The following ABTB3 variants were observed in gnomAD, a reference collection of about 807,000 sequenced individuals.
ABTB3 encodes ankyrin repeat and BTB domain containing 3.
At chr12:107,656,137 A>AAAAAAAAAAAAAAATAC in the ABTB3 span, among the ~76,000 whole-genome samples, 1 of 43,804 alleles carries the variant, frequency 2.3e-5, no homozygotes, top group Admixed American at 2.8e-4. Flanking sequence ...AAAAAAATAC[A>AAAAAAAAAAAAAAATAC]AAAAAAAAAA....
the ABTB3 span, chr12:107,642,272 T>G: frequency 9.6e-7 from 1 of 1,036,430 alleles, no homozygotes; most frequent in East Asian, 2.4e-5. Context: ...GAGAAGTCCT[T>G]GGAATGAGCT....
At chr12:107,520,237 A>C in the ABTB3 span, 1 of 985,358 alleles carries the variant, frequency 1.0e-6, no homozygotes, top group African/African-American at 1.7e-5. Flanking sequence ...TGTTCTTTGG[A>C]AATGTGTATG....
the ABTB3 span, among the ~76,000 whole-genome samples, chr12:107,440,454 C>A: frequency 6.6e-5 from 10 of 152,362 alleles, no homozygotes; most frequent in African/African-American, 2.4e-4. Context: ...CACCTGCCTC[C>A]TCAGAGAAGC....
the ABTB3 span, among the ~76,000 whole-genome samples, chr12:107,579,402 C>G: frequency 6.6e-6 from 1 of 152,172 alleles, no homozygotes; most frequent in Admixed American, 6.5e-5. Flanking sequence ...CCAGCTCTTG[C>G]TAGTCTTGTG....
chr12:107,560,007 T>C, the ABTB3 span, among the ~76,000 whole-genome samples: 1 of 152,214 alleles, frequency 6.6e-6, no homozygotes, highest in Non-Finnish European at 1.5e-5. Context: ...TTTTTTAATA[T>C]AAATAGGGAA....
the ABTB3 span, chr12:107,520,370 T>C: frequency 1.4e-6 from 2 of 1,475,138 alleles, no homozygotes; most frequent in Non-Finnish European, 1.8e-6. Context: ...TTGGCTTTCT[T>C]TGCAGTACCA....
chr12:107,506,045 C>T, the ABTB3 span, among the ~76,000 whole-genome samples: 1 of 152,066 alleles, frequency 6.6e-6, no homozygotes, highest in Non-Finnish European at 1.5e-5. Flanking sequence ...TTTGGGTATA[C>T]CTAGTAATGG....
At chr12:107,481,925 C>CTCTCTCTT in the ABTB3 span, among the ~76,000 whole-genome samples, 1 of 148,774 alleles carries the variant, frequency 6.7e-6, no homozygotes, top group African/African-American at 2.5e-5. Context: ...CTCTCTCTCT[C>CTCTCTCTT]TCTTTCTTTC....
chr12:107,505,811 T>C, the ABTB3 span, among the ~76,000 whole-genome samples: 2 of 152,162 alleles, frequency 1.3e-5, no homozygotes, highest in African/African-American at 2.4e-5. Context: ...TCTGTGTTAG[T>C]TAAGGATAAT....
chr12:107,451,897 G>A, the ABTB3 span, among the ~76,000 whole-genome samples: 3 of 152,190 alleles, frequency 2.0e-5, no homozygotes, highest in African/African-American at 4.8e-5. Context: ...AGTCTGTTAT[G>A]TACACTCACA....
At chr12:107,634,573 G>A in the ABTB3 span, among the ~76,000 whole-genome samples, 7 of 152,206 alleles carry the variant, frequency 4.6e-5, no homozygotes, top group East Asian at 7.7e-4. Flanking sequence ...GCTCTGTTTC[G>A]TTTTTCCTCC....
At chr12:107,508,300 T>C in the ABTB3 span, among the ~76,000 whole-genome samples, 1 of 152,054 alleles carries the variant, frequency 6.6e-6, no homozygotes, top group South Asian at 2.1e-4. Context: ...GACAGACGGA[T>C]GGATGGATGG....
the ABTB3 span, chr12:107,581,061 A>AT: frequency 1.3e-6 from 2 of 1,541,040 alleles, no homozygotes; most frequent in Non-Finnish European, 1.7e-6. Context: ...AGATGGGGGG[A>AT]TCCCCGCGAG....
the ABTB3 span, among the ~76,000 whole-genome samples, chr12:107,482,984 CTT>C: frequency 2.9e-4 from 4 of 13,914 alleles, no homozygotes; most frequent in Admixed American, 2.6e-3. Flanking sequence ...TTCTTTCTTT[CTT>C]TCCTTCCTTC....
chr12:107,505,153 T>G, the ABTB3 span, among the ~76,000 whole-genome samples: 1 of 152,158 alleles, frequency 6.6e-6, no homozygotes, highest in Admixed American at 6.5e-5. Flanking sequence ...CACCCCTAAC[T>G]GCCCATCACC....
the ABTB3 span, among the ~76,000 whole-genome samples, chr12:107,559,149 G>A: frequency 4.6e-5 from 7 of 152,330 alleles, no homozygotes; most frequent in East Asian, 3.9e-4. Context: ...AGAGATGTAG[G>A]GACCAGCTGG....
At chr12:107,506,102 C>T in the ABTB3 span, among the ~76,000 whole-genome samples, 5 of 152,204 alleles carry the variant, frequency 3.3e-5, no homozygotes, top group African/African-American at 9.6e-5. Flanking sequence ...TTTGAGAAAT[C>T]GCCATACTGT....
At chr12:107,431,642 A>C in the ABTB3 span, among the ~76,000 whole-genome samples, 1 of 152,178 alleles carries the variant, frequency 6.6e-6, no homozygotes, top group Admixed American at 6.5e-5. Flanking sequence ...CCCCAAAAAA[A>C]GTTAATCCAA....
the ABTB3 span, among the ~76,000 whole-genome samples, chr12:107,474,997 A>G: frequency 6.6e-6 from 1 of 152,092 alleles, no homozygotes. Context: ...CAGGCCCCTG[A>G]CTGTCCTCCT....
Sources: allele counts gnomAD v4.1 joint callset (sites outside exome capture counted in the v4.1 genomes callset), GRCh38; gene constraint gnomAD v4.1.1; transcripts MANE v1.5; gene names NCBI Gene and HGNC (gene_info 2026-07-23, HGNC 2026-07-21).